The following SLC24A3 variants were observed in gnomAD, a reference collection of about 807,000 sequenced individuals.
SLC24A3 encodes solute carrier family 24 member 3.
SLC24A3 carries 28 observed loss-of-function variants against 75.8 expected under a neutral mutation model. The observed-to-expected ratio is 0.37, with a 90% CI of 0.27 to 0.51. The LOEUF (loss-of-function observed/expected upper bound fraction) is 0.51. Ranked by LOEUF, SLC24A3 falls within the 20% of genes least tolerant of loss-of-function variation. The pLI is 0.94. For missense variants in SLC24A3, 663 were observed against 847.8 expected (o/e 0.78, Z 2.71); for synonymous variants, 372 against 334.1 (o/e 1.11, Z -1.24).
chr20:19,547,606 C>T (rs546973407), intron 3 of SLC24A3, among the ~76,000 whole-genome samples: 15 of 152,198 alleles, frequency 9.9e-5, no homozygotes, highest in African/African-American at 1.9e-4. Flanking sequence ...TGCGTTCACT[C>T]GGCTGCTGTC....
intron 7 of SLC24A3, among the ~76,000 whole-genome samples, chr20:19,657,793 TTTC>T (rs892533432): frequency 2.6e-5 from 4 of 152,300 alleles, no homozygotes; most frequent in South Asian, 4.1e-4. Context: ...CACTGTCTTT[TTTC>T]TTCTTCTCCT....
intron 2 of SLC24A3, among the ~76,000 whole-genome samples, chr20:19,317,705 C>T (rs7269490): frequency 0.24 from 35,809 of 152,140 alleles, 5,357 homozygotes; most frequent in Middle Eastern, 0.43. Flanking sequence ...TTGTTCTCCC[C>T]TTCACCAGCT....
At chr20:19,481,428 T>G (rs1198016916) in intron 2 of SLC24A3, among the ~76,000 whole-genome samples, 2 of 152,156 alleles carry the variant, frequency 1.3e-5, no homozygotes, top group Non-Finnish European at 2.9e-5. Context: ...GTCCAGTTGG[T>G]AAATGGTGGA....
At chr20:19,679,530 C>CCGTGGGGAGAGGGAGAG (rs1568695456) in intron 9 of SLC24A3, among the ~76,000 whole-genome samples, 1 of 140,294 alleles carries the variant, frequency 7.1e-6, no homozygotes, top group African/African-American at 2.8e-5. Flanking sequence ...GAGAGGGAGA[C>CCGTGGGGAGAGGGAGAG]CGTGGGGAGG....
chr20:19,545,121 G>C (rs2030565794), intron 3 of SLC24A3, among the ~76,000 whole-genome samples: 1 of 152,224 alleles, frequency 6.6e-6, no homozygotes. Context: ...TAGGCTCCAA[G>C]TGGTGAGAAG....
rs74180956 is a variant in SLC24A3, at chr20:19,646,841, C to CTGTGTGTGTGTGTGTGTGTGTGTG, written c.613-7211_613-7210insTGTGTGTGTGTGTGTGTGTGTGTG. Among the ~76,000 whole-genome samples the CTGTGTGTGTGTGTGTGTGTGTGTG allele has an allele frequency of 2.8e-4, 41 of 144,684 alleles. 2 individuals carry two copies. Among genetic ancestry groups the CTGTGTGTGTGTGTGTGTGTGTGTG allele is most frequent in the African/African-American group, 9.9e-4 (39 of 39,396 alleles). The allele number at this position is 144,684 out of a possible 152,430, so 94.9% of individuals were successfully genotyped here. ...GTTGTACTTTAAAAATTACAAAACT[C>CTGTGTGTGTGTGTGTGTGTGTGTG]TGTGTGTGTGCGTGTGTGTGTGTGT... is the stretch of plus-strand genomic sequence containing the variant. On this transcript the variant is annotated intron_variant, in intron 6 of 16. Transcript: ENST00000328041.
intron 2 of SLC24A3, among the ~76,000 whole-genome samples, chr20:19,510,876 T>C (rs1988524907): frequency 6.6e-6 from 1 of 152,234 alleles, no homozygotes; most frequent in South Asian, 2.1e-4. Flanking sequence ...GGGGCATTCC[T>C]ACACCCAGAC....
chr20:19,578,696 A>G (rs1029473805), intron 3 of SLC24A3, among the ~76,000 whole-genome samples: 25 of 152,230 alleles, frequency 1.6e-4, no homozygotes, highest in African/African-American at 5.5e-4. Flanking sequence ...AAATGAATGC[A>G]ATGTCACTGC....
chr20:19,337,386 G>T (rs1409344644), intron 2 of SLC24A3, among the ~76,000 whole-genome samples: 1 of 152,170 alleles, frequency 6.6e-6, no homozygotes, highest in African/African-American at 2.4e-5. Context: ...GGAGGTTGCG[G>T]TGAGCTGAAA....
intron 2 of SLC24A3, among the ~76,000 whole-genome samples, chr20:19,416,683 C>G (rs1272707353): frequency 1.3e-5 from 2 of 152,134 alleles, no homozygotes; most frequent in African/African-American, 4.8e-5. Flanking sequence ...CTACAGAGAG[C>G]CTGTAACTTA....
At chr20:19,610,840 C>T (rs1229018950) in intron 6 of SLC24A3, among the ~76,000 whole-genome samples, 1 of 152,206 alleles carries the variant, frequency 6.6e-6, no homozygotes, top group African/African-American at 2.4e-5. Flanking sequence ...CTCCTGAGCA[C>T]ATCCAGCCTG....
intron 6 of SLC24A3, among the ~76,000 whole-genome samples, chr20:19,621,303 T>A (rs1273269347): frequency 6.6e-6 from 1 of 152,204 alleles, no homozygotes; most frequent in Non-Finnish European, 1.5e-5. Context: ...TTTCTCCCTA[T>A]GTCTCTTAGC....
chr20:19,381,671 TTTTC>T (rs1436217787), intron 2 of SLC24A3, among the ~76,000 whole-genome samples: 2 of 152,184 alleles, frequency 1.3e-5, no homozygotes, highest in East Asian at 3.8e-4. Context: ...CCGCTTTCAA[TTTTC>T]TTTCTTTATT....
At chr20:19,645,681 T>A (rs1406693538) in intron 6 of SLC24A3, among the ~76,000 whole-genome samples, 1 of 151,808 alleles carries the variant, frequency 6.6e-6, no homozygotes, top group Non-Finnish European at 1.5e-5. Context: ...TAAAAAAAAA[T>A]GCAATGTACA....
At position 19,212,791 on chromosome 20, in the gene SLC24A3, C is replaced by T; in HGVS notation, c.-52C>T. 4 of 979,070 alleles carry T rather than the reference C, an allele frequency of 4.1e-6. No homozygotes were observed. Among genetic ancestry groups the T allele is most frequent in the Non-Finnish European group, 4.8e-6 (4 of 827,086 alleles). The allele number at this position is 979,070 out of a possible 1,614,324, so 60.6% of individuals were successfully genotyped here. ...CTGCCGCTGTCCCCGCCGCGGCCGC[C>T]CGCGACAGGAGCGGCCGCCGCCCGC... On this transcript the variant is annotated 5_prime_UTR_variant, in exon 1 of 17. Transcript: ENST00000328041.
At chr20:19,490,550 C>A (rs544441341) in intron 2 of SLC24A3, among the ~76,000 whole-genome samples, 2 of 152,126 alleles carry the variant, frequency 1.3e-5, no homozygotes, top group Non-Finnish European at 2.9e-5. Context: ...AAAATCCTGA[C>A]CTGGATGTCT....
intron 2 of SLC24A3, among the ~76,000 whole-genome samples, chr20:19,462,165 T>C (rs990903731): frequency 1.3e-5 from 2 of 152,210 alleles, no homozygotes; most frequent in Admixed American, 1.3e-4. Flanking sequence ...TCTCAAACTG[T>C]AGTTCCCCTC....
At chr20:19,485,828 C>T (rs978731185) in intron 2 of SLC24A3, among the ~76,000 whole-genome samples, 1 of 152,272 alleles carries the variant, frequency 6.6e-6, no homozygotes, top group African/African-American at 2.4e-5. Flanking sequence ...AAGTGCCCCC[C>T]ATGGGAGAAA....
chr20:19,343,124 C>T lies in SLC24A3; in HGVS notation c.271+62037C>T, dbSNP rs189119548. On this transcript the variant is annotated intron_variant, in intron 2 of 16. Coordinates refer to ENST00000328041, the MANE Select transcript of SLC24A3 (RefSeq NM_020689.4). Reference sequence around the variant, plus strand: ...AAAAAGAAAAGGCAGAAAAATCATCCAGAGGAATGAGAGTAGCATTTGTGG... The same window carrying T: ...AAAAAGAAAAGGCAGAAAAATCATCTAGAGGAATGAGAGTAGCATTTGTGG... Among the ~76,000 whole-genome samples, 4 of 150,176 alleles carry T rather than the reference C, an allele frequency of 2.7e-5. No individual in the cohort carries two copies. In the East Asian group the frequency reaches 7.8e-4, roughly 29 times the overall value.
Sources: allele counts gnomAD v4.1 joint callset (sites outside exome capture counted in the v4.1 genomes callset), GRCh38; gene constraint gnomAD v4.1.1; transcripts MANE v1.5; gene names NCBI Gene and HGNC (gene_info 2026-07-23, HGNC 2026-07-21).